DOCK2: variants seen among roughly 807,000 people sequenced by gnomAD.
DOCK2 encodes dedicator of cytokinesis protein 2.
Under a neutral mutation model 248.9 loss-of-function variants are expected in DOCK2, and 87 were observed. The observed-to-expected ratio is 0.35, with a 90% CI of 0.29 to 0.42. The LOEUF (loss-of-function observed/expected upper bound fraction) is 0.42. Among genes scored for constraint, DOCK2 ranks in the 10% least tolerant of loss-of-function variants. The probability of loss-of-function intolerance (pLI) is 1.00; values close to 1 mark genes in which losing one functional copy is unlikely to be tolerated. For synonymous variants in DOCK2, 805 were observed against 821.6 expected (o/e 0.98, Z 0.35); for missense variants, 1,747 against 2,300.2 (o/e 0.76, Z 4.92).
intron 3 of DOCK2, 47 bp from the exon 4 acceptor site, chr5:169,670,495 T>A (rs1758988952): frequency 3.8e-6 from 6 of 1,588,736 alleles, no homozygotes; most frequent in Non-Finnish European, 5.1e-6. Context: ...TCTGTGGTGA[T>A]ATATCTTTTT....
At chr5:170,082,293 T>G (rs187673516) in intron 51 of DOCK2, among the ~76,000 whole-genome samples, 23 of 152,270 alleles carry the variant, frequency 1.5e-4, no homozygotes, top group Non-Finnish European at 2.9e-5. Flanking sequence ...CCTTTTTTAT[T>G]CAACCTATAT....
At chr5:170,043,107 C>G (rs1342949230) in intron 38 of DOCK2, among the ~76,000 whole-genome samples, 1 of 152,204 alleles carries the variant, frequency 6.6e-6, no homozygotes, top group African/African-American at 2.4e-5. Flanking sequence ...GGTGGACCTT[C>G]AGGAAGTACC....
chr5:169,823,029 A>G (rs1364402474), intron 26 of DOCK2, among the ~76,000 whole-genome samples: 1 of 152,244 alleles, frequency 6.6e-6, no homozygotes. Flanking sequence ...GAAGAAATGG[A>G]TAAATTCCTC....
intron 25 of DOCK2, among the ~76,000 whole-genome samples, chr5:169,790,055 A>G (rs144377220): frequency 1.4e-3 from 208 of 152,318 alleles, no homozygotes; most frequent in African/African-American, 4.3e-3. Flanking sequence ...GATATGGGGA[A>G]GGTAAGGGAA....
chr5:170,019,192 T>C (rs1354305002), intron 33 of DOCK2, 84 bp downstream of exon 33: 20 of 1,586,252 alleles, frequency 1.3e-5, no homozygotes, highest in Non-Finnish European at 1.7e-5. Flanking sequence ...TCCATCTCCC[T>C]GAGCTTCATT....
intron 25 of DOCK2, among the ~76,000 whole-genome samples, chr5:169,790,025 GCCT>G (rs1355522859): frequency 1.3e-5 from 2 of 152,164 alleles, no homozygotes; most frequent in Non-Finnish European, 2.9e-5. Context: ...AGGAGCTTCA[GCCT>G]CCTCTTCTTC....
chr5:169,843,840 A>T (rs1770144062), intron 27 of DOCK2, among the ~76,000 whole-genome samples: 1 of 152,224 alleles, frequency 6.6e-6, no homozygotes, highest in African/African-American at 2.4e-5. Flanking sequence ...TTTCCTTAGC[A>T]TAATGTTTTT....
intron 40 of DOCK2, 74 bp downstream of exon 40, chr5:170,047,688 T>G: frequency 1.4e-6 from 2 of 1,394,500 alleles, no homozygotes; most frequent in Non-Finnish European, 2.0e-6. Context: ...TTCTATGCTT[T>G]GAGGATTTGC....
intron 26 of DOCK2, among the ~76,000 whole-genome samples, chr5:169,807,810 G>A (rs1767478916): frequency 8.7e-6 from 1 of 114,636 alleles, no homozygotes; most frequent in African/African-American, 3.2e-5. Context: ...ATCCAGCCTG[G>A]GAGACAGAGC....
chr5:169,904,544 G>A (rs1420940773), intron 27 of DOCK2, among the ~76,000 whole-genome samples: 9 of 152,060 alleles, frequency 5.9e-5, no homozygotes, highest in Non-Finnish European at 5.9e-5. Context: ...TTGGCAGAGA[G>A]CTCAGGCCTT....
intron 1 of DOCK2, among the ~76,000 whole-genome samples, chr5:169,653,108 GA>G (rs775987628): frequency 6.6e-6 from 1 of 152,174 alleles, no homozygotes; most frequent in Non-Finnish European, 1.5e-5. Context: ...GAAATAATAA[GA>G]CTTCTCACTT....
intron 27 of DOCK2, among the ~76,000 whole-genome samples, chr5:169,976,306 G>A (rs1199227513): frequency 6.6e-6 from 1 of 152,214 alleles, no homozygotes; most frequent in East Asian, 1.9e-4. Flanking sequence ...TAGGTCCTAT[G>A]TCACCATATA....
chr5:169,659,219 T>C (rs1358879688), intron 2 of DOCK2, among the ~76,000 whole-genome samples: 2 of 152,028 alleles, frequency 1.3e-5, no homozygotes, highest in East Asian at 3.9e-4. Context: ...GCTTTTGAAT[T>C]AGAAAGTTAT....
chr5:169,833,330 A>G (rs1341047646), intron 26 of DOCK2, among the ~76,000 whole-genome samples: 1 of 152,232 alleles, frequency 6.6e-6, no homozygotes, highest in Admixed American at 6.5e-5. Context: ...AAATAGGTAC[A>G]TATTTTTCCT....
chr5:169,917,368 C>T (rs1041006987), intron 27 of DOCK2, among the ~76,000 whole-genome samples: 4 of 152,126 alleles, frequency 2.6e-5, no homozygotes, highest in African/African-American at 9.7e-5. Flanking sequence ...CACCAGTAGC[C>T]CTCATTGCTT....
chr5:169,699,981 G>C, intron 12 of DOCK2, 33 bp from the exon 13 acceptor site: 1 of 1,611,890 alleles, frequency 6.2e-7, no homozygotes, highest in Non-Finnish European at 8.5e-7. Context: ...ACTTGCAAAA[G>C]TGGGCTCTTC....
At chr5:169,866,179 T>G (rs1419975709) in intron 27 of DOCK2, among the ~76,000 whole-genome samples, 1 of 152,244 alleles carries the variant, frequency 6.6e-6, no homozygotes, top group African/African-American at 2.4e-5. Context: ...GTTTTGTTTC[T>G]GCATTTTTCA....
At chr5:169,814,185 C>G (rs1051240673) in intron 26 of DOCK2, among the ~76,000 whole-genome samples, 22 of 152,260 alleles carry the variant, frequency 1.4e-4, no homozygotes, top group Admixed American at 1.3e-3. Context: ...TAGACCTTAT[C>G]CTAACCAAAT....
Position 169,763,615 on chromosome 5 carries a change from A to G in DOCK2, c.2554+1990A>G, listed in dbSNP as rs532614820. Among the ~76,000 whole-genome samples, 3 of 152,328 alleles carry G rather than the reference A, an allele frequency of 2.0e-5. No homozygotes were observed. The highest frequency in any genetic ancestry group is 2.0e-4 in the Admixed American group (3 of 15,302). ...GAGGAGGCCTCTGAGGGTTAGCATC[A>G]TGGCAGGGCAGGCTGGACAGCTGCT... On this transcript the variant is annotated intron_variant, in intron 25 of 51. Transcript: ENST00000520908. This position sits in a 1 kb window ranked among gnomAD's most constrained non-coding sequence, Gnocchi z 4.1.
Sources: gnomAD v4.1 joint callset for allele counts (sites outside exome capture counted in the v4.1 genomes callset) on GRCh38, gnomAD v4.1.1 for gene constraint, Gnocchi (gnomAD v3.1) non-coding constraint, MANE v1.5 for transcripts, NCBI Gene and HGNC (gene_info 2026-07-23, HGNC 2026-07-21) for gene names.